Variants in NDUFA5 observed in about 807,000 individuals in gnomAD.
The protein encoded by NDUFA5 is NADH dehydrogenase [ubiquinone] 1 alpha subcomplex subunit 5.
In NDUFA5, 11 loss-of-function variants were observed where a neutral mutation model predicts 19.8. The ratio of observed to expected loss-of-function variants is 0.56; its 90% CI spans 0.35 to 0.92. The LOEUF is 0.92. Ranked by LOEUF, NDUFA5 falls within the 40% of genes least tolerant of loss-of-function variation. NDUFA5 has a pLI of 0.01. For synonymous variants in NDUFA5, 47 were observed against 46.8 expected, an observed-to-expected ratio of 1.00 and a Z score of -0.01; for missense variants, 109 against 134.2, an observed-to-expected ratio of 0.81 and a Z score of 0.93.
chr7:123,599,379 C>T, the NDUFA5 span, among the ~76,000 whole-genome samples: 7 of 152,166 alleles, frequency 4.6e-5, no homozygotes, highest in Non-Finnish European at 8.8e-5. Context: ...CTGACAAAGC[C>T]TCATAAAGAA....
At chr7:123,550,442 A>G (rs202208535) in intron 3 of NDUFA5, 28 bp downstream of exon 3, 3 of 474,618 alleles carry the variant, frequency 6.3e-6, no homozygotes, top group East Asian at 9.4e-5. Context: ...ATGTTACACA[A>G]GACAACAAAA....
At chr7:123,593,055 G>T in the NDUFA5 span, among the ~76,000 whole-genome samples, 2 of 151,728 alleles carry the variant, frequency 1.3e-5, no homozygotes, top group East Asian at 1.9e-4. Context: ...GATCTTTGTT[G>T]GTTTAAAGTT....
the NDUFA5 span, among the ~76,000 whole-genome samples, chr7:123,584,261 A>G: frequency 2.1e-5 from 3 of 145,866 alleles, no homozygotes; most frequent in East Asian, 6.1e-4. Flanking sequence ...GCAGTGAGCT[A>G]TGATCGTGCC....
At chr7:123,564,718 T>G in the NDUFA5 span, among the ~76,000 whole-genome samples, 1 of 152,038 alleles carries the variant, frequency 6.6e-6, no homozygotes, top group South Asian at 2.1e-4. Context: ...ATAGGTTTAT[T>G]GGGACGTAAC....
At chr7:123,550,372 A>C (rs935652115) in intron 3 of NDUFA5, 98 bp downstream of exon 3, 1 of 726,852 alleles carries the variant, frequency 1.4e-6, no homozygotes, top group African/African-American at 1.8e-5. Context: ...TCAAGGAAGG[A>C]GAATAGAAGA....
At chr7:123,551,638 A>C (rs1221496543) in intron 2 of NDUFA5, 2 of 377,950 alleles carry the variant, frequency 5.3e-6, no homozygotes, top group Non-Finnish European at 7.3e-6. Context: ...AAATACGGTC[A>C]TAATACTTCA....
chr7:123,578,641 C>A, the NDUFA5 span, among the ~76,000 whole-genome samples: 1,223 of 152,126 alleles, frequency 8.0e-3, 15 homozygotes, highest in African/African-American at 0.027. Context: ...AATATCTGAG[C>A]TAATGAGAGA....
chr7:123,593,365 C>T, the NDUFA5 span, among the ~76,000 whole-genome samples: 1 of 152,006 alleles, frequency 6.6e-6, no homozygotes, highest in Non-Finnish European at 1.5e-5. Flanking sequence ...TCTTCACAGC[C>T]TCGATGGTCT....
At chr7:123,564,574 A>C in the NDUFA5 span, among the ~76,000 whole-genome samples, 1 of 152,132 alleles carries the variant, frequency 6.6e-6, no homozygotes. Context: ...AGATATATAT[A>C]AAATACCCCT....
rs1176279450 is a variant in NDUFA5 at position 123,540,527 on chromosome 7, A to G, written c.*1592T>C. ...ACCCATGCAAACACACTTCAGCATC[A>G]TGTTTTAATAAATATATTATATATT... On this transcript the variant is annotated 3_prime_UTR_variant, in exon 5 of 5. Coordinates refer to ENST00000355749, the MANE Select transcript of NDUFA5 (RefSeq NM_005000.5). 3 of 152,222 alleles carry G rather than the reference A, an allele frequency of 2.0e-5. No homozygotes were observed. Among genetic ancestry groups the G allele is most frequent in the African/African-American group, 7.2e-5 (3 of 41,452 alleles). The allele number at this position is 152,222 out of a possible 1,614,324, so 9.4% of individuals were successfully genotyped here. A position where few individuals can be genotyped will look rare whatever the true frequency, so the allele number is the denominator to read the frequency against.
At chr7:123,580,908 A>G in the NDUFA5 span, among the ~76,000 whole-genome samples, 5 of 152,036 alleles carry the variant, frequency 3.3e-5, no homozygotes, top group Non-Finnish European at 7.4e-5. Context: ...GGTTAAGTCT[A>G]TTATGAAAAG....
the NDUFA5 span, among the ~76,000 whole-genome samples, chr7:123,588,950 C>T: frequency 6.6e-6 from 1 of 151,646 alleles, no homozygotes; most frequent in Admixed American, 6.6e-5. Flanking sequence ...TGAATTCAAT[C>T]TAGTTAAATT....
At chr7:123,574,505 G>A in the NDUFA5 span, among the ~76,000 whole-genome samples, 1 of 152,138 alleles carries the variant, frequency 6.6e-6, no homozygotes. Flanking sequence ...TGATGATAAT[G>A]ATAGTGGGCT....
intron 2 of NDUFA5, chr7:123,554,624 C>T (rs1335734682): frequency 6.6e-6 from 1 of 151,826 alleles, no homozygotes; most frequent in Non-Finnish European, 1.5e-5. Context: ...ACCACATTCA[C>T]ATAACTTTTA....
Position 123,541,472 on chromosome 7 carries a change from A to T in NDUFA5, c.*647T>A, listed in dbSNP as rs1797942500. The T allele has an allele frequency of 6.6e-6, 1 of 152,232 alleles. No homozygotes were observed. The highest frequency in any genetic ancestry group is 2.4e-5 in the African/African-American group (1 of 41,466). 9.4% of individuals were successfully genotyped at this position (152,232 alleles called of 1,614,324 possible). ...GAAGGTTTTCAAATATAATACAGTA[A>T]CAACAAAATATAATAAAATTAAGAC... is the stretch of plus-strand genomic sequence containing the variant. On this transcript the variant is annotated 3_prime_UTR_variant, in exon 5 of 5. Coordinates refer to ENST00000355749, the MANE Select transcript of NDUFA5 (RefSeq NM_005000.5).
At chr7:123,542,275 T>A in intron 4 of NDUFA5, 55 bp from the exon 5 acceptor site, 1 of 1,302,506 alleles carries the variant, frequency 7.7e-7, no homozygotes, top group Non-Finnish European at 1.1e-6. Flanking sequence ...AACAGATATT[T>A]ATCAGAACAA....
chr7:123,595,341 C>T, the NDUFA5 span, among the ~76,000 whole-genome samples: 5 of 152,178 alleles, frequency 3.3e-5, no homozygotes, highest in African/African-American at 7.2e-5. Flanking sequence ...CATGGCACAT[C>T]CTTTTTGCCT....
intron 2 of NDUFA5, chr7:123,556,858 A>G (rs1215440855): frequency 5.9e-6 from 3 of 512,792 alleles, no homozygotes; most frequent in South Asian, 1.4e-5. Flanking sequence ...AAGGGTGAAT[A>G]AGAAAGAAAT....
chr7:123,574,208 C>CTT, the NDUFA5 span, among the ~76,000 whole-genome samples: 1 of 142,406 alleles, frequency 7.0e-6, no homozygotes, highest in African/African-American at 2.6e-5. Flanking sequence ...CTTTTTTTTT[C>CTT]TTTTTTTTTT....
Sources: gnomAD v4.1 joint callset for allele counts (sites outside exome capture counted in the v4.1 genomes callset) on GRCh38, gnomAD v4.1.1 for gene constraint, MANE v1.5 for transcripts, NCBI Gene and HGNC (gene_info 2026-07-23, HGNC 2026-07-21) for gene names.